DPF1: variants seen among roughly 807,000 people sequenced by gnomAD.
The protein encoded by DPF1 is double PHD fingers 1.
Under a neutral mutation model 58.7 loss-of-function variants are expected in DPF1, and 14 were observed. The observed-to-expected ratio is 0.24, with a 90% CI of 0.16 to 0.37. DPF1 has a LOEUF of 0.37. Ranked by LOEUF, DPF1 falls within the 10% of genes least tolerant of loss-of-function variation. The pLI, the probability that DPF1 is intolerant of heterozygous loss-of-function variation, is 1.00. For missense variants in DPF1, 345 were observed against 529.9 expected (o/e 0.65, Z 3.43); for synonymous variants, 216 against 216.0 (o/e 1.00, Z 0.00).
Position 38,224,179 on chromosome 19 carries a change from C to G in DPF1, c.-37G>C, listed in dbSNP as rs1967707995. On this transcript the variant is annotated 5_prime_UTR_variant, in exon 1 of 12. Transcript: ENST00000355526. This position sits in a 1 kb window ranked among gnomAD's most constrained non-coding sequence, Gnocchi z 4.5. Reference sequence around the variant, plus strand: ...GGTCCTGCCCCCAGCAGGTCCCCGCCGGGTCGGTCCTCCCAGCGGTCGGGC... The same window carrying G: ...GGTCCTGCCCCCAGCAGGTCCCCGCGGGGTCGGTCCTCCCAGCGGTCGGGC... 1 of 1,428,978 alleles carries G rather than the reference C, an allele frequency of 7.0e-7. No individual in the cohort carries two copies. Among genetic ancestry groups the G allele is most frequent in the African/African-American group, 1.5e-5 (1 of 66,960 alleles). The allele number at this position is 1,428,978 out of a possible 1,614,324, so 88.5% of individuals were successfully genotyped here.
Position 38,217,479 on chromosome 19 carries a change from G to A in DPF1, c.708C>T (p.His236=), listed in dbSNP as rs1967112457. ...ENAERHALPF[H]RKNNHKQFYK... is the part of the protein sequence containing the mutation. ...GCTCACGTTTATGGTTGTTTTTCCG[G>A]TGGAAGGGCAGGGCGTGGCGTTCGG... The change falls in exon 7 of 12, where the codon CAC becomes CAT. Residue 236 remains histidine, a synonymous_variant. Coordinates refer to ENST00000355526, the MANE Select transcript of DPF1 (RefSeq NM_001135155.3). 1 of 1,550,216 alleles carries A rather than the reference G, an allele frequency of 6.5e-7. No homozygotes were observed. Among genetic ancestry groups the A allele is most frequent in the Admixed American group, 2.0e-5 (1 of 50,830 alleles).
In DPF1 at chr19:38,222,415, C is replaced by T. The variant is rs1470161762; in HGVS notation, c.240G>A (p.Lys80=). ...IYTYPARCWR[K]KRRLNILEDP... ...CCTCCAGGATGTTGAGTCTCCGTTT[C>T]TTCCTCCAACAGCGGGCGGGGTACG... Residue 80 remains lysine, a synonymous_variant, in exon 3 of 12, where the codon AAG becomes AAA. Coordinates refer to ENST00000355526, the MANE Select transcript of DPF1 (RefSeq NM_001135155.3). The surrounding 1 kb of genome is among the most constrained non-coding windows in gnomAD (Gnocchi z 4.9). The T allele has an allele frequency of 3.1e-6, 5 of 1,587,696 alleles. No homozygotes were observed. The highest frequency in any genetic ancestry group is 4.3e-6 in the Non-Finnish European group (5 of 1,172,942).
upstream of DPF1, among the ~76,000 whole-genome samples, chr19:38,227,274 C>T (rs1252591257): frequency 6.6e-6 from 1 of 152,108 alleles, no homozygotes; most frequent in East Asian, 1.9e-4. Flanking sequence ...AACAGGGTGT[C>T]CCTGTGTTGG....
rs1313199667 is a variant in DPF1, at chr19:38,224,145, T to C, written c.-3A>G. 1.4e-6 allele frequency: 2 copies of C among 1,478,726 alleles called. No homozygotes were observed. Among genetic ancestry groups the C allele is most frequent in the Non-Finnish European group, 1.8e-6 (2 of 1,124,238 alleles). 91.6% of individuals were successfully genotyped at this position (1,478,726 alleles called of 1,614,324 possible). ...GGGCCAGGGATGACAGTGGCCATCTTGCTCCCCGGGTCCTGCCCCCAGCAG... is the reference window on the plus strand; with the variant it reads ...GGGCCAGGGATGACAGTGGCCATCTCGCTCCCCGGGTCCTGCCCCCAGCAG... On this transcript the variant is annotated 5_prime_UTR_variant, in exon 1 of 12. Coordinates refer to ENST00000355526, the MANE Select transcript of DPF1 (RefSeq NM_001135155.3). This position sits in a 1 kb window ranked among gnomAD's most constrained non-coding sequence, Gnocchi z 4.5.
At chr19:38,225,291 G>A (rs1967767937), upstream of DPF1, among the ~76,000 whole-genome samples, 1 of 151,624 alleles carries the variant, frequency 6.6e-6, no homozygotes, top group South Asian at 2.1e-4. Context: ...ATGCGGCCAG[G>A]TGCGATGGCT....
chr19:38,227,025 CCTTCCTTCCTTT>C (rs796214605), upstream of DPF1, among the ~76,000 whole-genome samples: 34,522 of 136,360 alleles, frequency 0.25, 4,444 homozygotes, highest in African/African-American at 0.35. Context: ...TTCCTTCCTT[CCTTCCTTCCTTT>C]CTTTCTTTCT....
rs200256600 is a variant in DPF1, at chr19:38,221,539, C to CAA, written c.298+816_298+817dup. ...TGGGTGACAGAGCCAGACTCCATCT[C>CAA]AAAAAAAAAAAAAATACAGGCAGAC... On this transcript the variant is annotated intron_variant, in intron 3 of 11. Coordinates refer to ENST00000355526, the MANE Select transcript of DPF1 (RefSeq NM_001135155.3). 8.7e-3 allele frequency among the ~76,000 whole-genome samples: 1,226 copies of CAA among 140,612 alleles called. 7 individuals carry two copies. Among genetic ancestry groups the CAA allele is most frequent in the Non-Finnish European group, 0.01 (641 of 63,938 alleles). 92.2% of individuals were successfully genotyped at this position (140,612 alleles called of 152,430 possible).
rs1490288939 is a variant in DPF1, at chr19:38,217,464, A to G, written c.723T>C (p.His241=). Residue 241 remains histidine (H), a synonymous_variant, in exon 7 of 12, where the codon CAT becomes CAC. Transcript: ENST00000355526. Reference sequence around the variant, plus strand: ...CCACCTGGCCTGCCAGCTCACGTTTATGGTTGTTTTTCCGGTGGAAGGGCA... The same window carrying G: ...CCACCTGGCCTGCCAGCTCACGTTTGTGGTTGTTTTTCCGGTGGAAGGGCA... ...HALPFHRKNN[H]KQFYKELAWV... is the part of the protein sequence containing the mutation. The G allele has an allele frequency of 6.9e-7, 1 of 1,446,970 alleles. No homozygotes were observed. Among genetic ancestry groups the G allele is most frequent in the African/African-American group, 1.5e-5 (1 of 65,550 alleles). The allele number at this position is 1,446,970 out of a possible 1,614,324, so 89.6% of individuals were successfully genotyped here. A position where few individuals can be genotyped will look rare whatever the true frequency, so the allele number is the denominator to read the frequency against.
chr19:38,217,999 C>T (rs896418828), intron 5 of DPF1, 123 bp from the exon 6 acceptor site: 8 of 915,198 alleles, frequency 8.7e-6, no homozygotes, highest in Middle Eastern at 6.4e-4. Context: ...GTCAAGAGAT[C>T]GAGACCACCT....
At chr19:38,213,235 A>C (rs1973589408) in intron 10 of DPF1, among the ~76,000 whole-genome samples, 1 of 152,064 alleles carries the variant, frequency 6.6e-6, no homozygotes, top group Non-Finnish European at 1.5e-5. Context: ...TCAGCCTCCC[A>C]GAGTGCTGGG....
chr19:38,222,375 G>A lies in DPF1; in HGVS notation c.280C>T (p.Pro94Ser). 3 of 1,591,418 alleles carry A rather than the reference G, an allele frequency of 1.9e-6. No individual in the cohort carries two copies. The highest frequency in any genetic ancestry group is 2.6e-6 in the Non-Finnish European group (3 of 1,174,068). The part of the protein sequence containing the change: ...LNILEDPRLR[P>S]CEYKIDCEAP... ...CACCCACCGATCTTGTACTCGCAGG[G>A]CCTGAGTCTGGGGTCCTCCAGGATG... Residue 94 changes from proline to serine, a missense_variant, in exon 3 of 12, where the codon CCC becomes TCC. Transcript: ENST00000355526. The surrounding 1 kb of genome is among the most constrained non-coding windows in gnomAD (Gnocchi z 4.9).
intron 3 of DPF1, chr19:38,219,626 G>A (rs1387469040): frequency 6.6e-6 from 1 of 152,612 alleles, no homozygotes; most frequent in Non-Finnish European, 1.5e-5. Flanking sequence ...TACAGGCAGA[G>A]TAGCTGGCAT....
chr19:38,212,123 G>C lies in DPF1; in HGVS notation c.1104C>G (p.Ser368Arg). The C allele has an allele frequency of 6.2e-7, 1 of 1,610,632 alleles. No homozygotes were observed. The highest frequency in any genetic ancestry group is 8.5e-7 in the Non-Finnish European group (1 of 1,179,338). Residue 368 changes from serine (S) to arginine (R), a missense_variant, in exon 12 of 12, where the codon AGC (serine) becomes AGG (arginine). Coordinates refer to ENST00000355526, the MANE Select transcript of DPF1 (RefSeq NM_001135155.3). Reference sequence around the variant, plus strand: ...TCAGGTGCCGGAGACAGAGGTGACAGCTCCAGCTCCCTGCGGGGGCAGCCG... The same window carrying C: ...TCAGGTGCCGGAGACAGAGGTGACACCTCCAGCTCCCTGCGGGGGCAGCCG... ...PMAEPPEGSW[S>R]CHLCLRHLKE...
At chr19:38,213,548 G>A in intron 10 of DPF1, 96 bp downstream of exon 10, 1 of 1,048,928 alleles carries the variant, frequency 9.5e-7, no homozygotes, top group Non-Finnish European at 1.4e-6. Flanking sequence ...GTGTTCACCA[G>A]GGAAGGCTCA....
chr19:38,217,988 G>A (rs1046898566), intron 5 of DPF1, 112 bp from the exon 6 acceptor site: 1 of 1,071,398 alleles, frequency 9.3e-7, no homozygotes, highest in South Asian at 1.3e-5. Flanking sequence ...CGGATCACGA[G>A]GTCAAGAGAT....
In DPF1 at chr19:38,212,831, G is replaced by A. The variant is rs565716255; in HGVS notation, c.1012-470C>T. Among the ~76,000 whole-genome samples the A allele has an allele frequency of 4.2e-5, 6 of 144,338 alleles. No individual in the cohort carries two copies. In the East Asian group the frequency reaches 8.1e-4, roughly 19 times the overall value. The allele number at this position is 144,338 out of a possible 152,430, so 94.7% of individuals were successfully genotyped here. A position where few individuals can be genotyped will look rare whatever the true frequency, so the allele number is the denominator to read the frequency against. On this transcript the variant is annotated intron_variant, in intron 10 of 11. Coordinates refer to ENST00000355526, the MANE Select transcript of DPF1 (RefSeq NM_001135155.3). ...GAGTCTCACTATGTTGCCCAGGCTG[G>A]TCTGGTCTAGAACTCCTGGGCTCAA... is the stretch of plus-strand genomic sequence containing the variant.
chr19:38,216,437 C>A, intron 7 of DPF1, 34 bp from the exon 8 acceptor site: 9 of 1,551,082 alleles, frequency 5.8e-6, no homozygotes, highest in Non-Finnish European at 7.0e-6. Context: ...GGGACTCTCA[C>A]CACAGGCAAG....
At chr19:38,220,131 T>G (rs1447826857) in intron 3 of DPF1, among the ~76,000 whole-genome samples, 3 of 135,616 alleles carry the variant, frequency 2.2e-5, no homozygotes, top group Admixed American at 1.6e-4. Context: ...GAGGTTGCAG[T>G]GAGCCGAGAT....
Position 38,212,052 on chromosome 19 carries a change from G to C in DPF1, c.*11C>G. On this transcript the variant is annotated 3_prime_UTR_variant, in exon 12 of 12. Transcript: ENST00000355526. Reference sequence around the variant, plus strand: ...GAGCACCACCCCAGAGTCGCGGCGAGCCGAGCCGGCCTAGGTGAGGGTGAT... The same window carrying C: ...GAGCACCACCCCAGAGTCGCGGCGACCCGAGCCGGCCTAGGTGAGGGTGAT... The C allele has an allele frequency of 6.2e-7, 1 of 1,607,048 alleles. No individual in the cohort carries two copies. The highest frequency in any genetic ancestry group is 8.5e-7 in the Non-Finnish European group (1 of 1,178,252).
Sources: gnomAD v4.1 joint callset for allele counts (sites outside exome capture counted in the v4.1 genomes callset) on GRCh38, gnomAD v4.1.1 for gene constraint, Gnocchi (gnomAD v3.1) non-coding constraint, MANE v1.5 for transcripts, NCBI Gene and HGNC (gene_info 2026-07-23, HGNC 2026-07-21) for gene names.